RABGAP1L: variants seen among roughly 807,000 people sequenced by gnomAD.
The protein encoded by RABGAP1L is RAB GTPase activating protein 1 like, also known as rab GTPase-activating protein 1-like.
A neutral mutation model predicts 137.7 loss-of-function variants in RABGAP1L; 63 were observed. The observed-to-expected ratio is 0.46, with a 90% CI of 0.37 to 0.56. The LOEUF is 0.56. Among genes scored for constraint, RABGAP1L ranks in the 20% least tolerant of loss-of-function variants. The probability of loss-of-function intolerance (pLI) is 0.00; values close to 1 mark genes in which losing one functional copy is unlikely to be tolerated. For missense variants in RABGAP1L, 1,095 were observed against 1,244.0 expected (o/e 0.88, Z 1.80); for synonymous variants, 431 against 433.7 (o/e 0.99, Z 0.08).
intron 13 of RABGAP1L, among the ~76,000 whole-genome samples, chr1:174,619,511 A>G (rs550392729): frequency 3.9e-5 from 6 of 152,342 alleles, no homozygotes; most frequent in African/African-American, 1.4e-4. Context: ...AAGAATTTTC[A>G]GCCCAGAATT....
intron 13 of RABGAP1L, among the ~76,000 whole-genome samples, chr1:174,571,109 C>G (rs1030770114): frequency 3.3e-5 from 5 of 152,102 alleles, no homozygotes; most frequent in African/African-American, 1.2e-4. Context: ...GAGATCCAGT[C>G]ATTTGCAACA....
In RABGAP1L at chr1:174,887,992, A is replaced by T. The variant is rs576051413; in HGVS notation, c.2341-69465A>T. ...GCAGAGGTTGCAGTGAGCTGAGATC[A>T]CGCCACTGCACTCCAGCCTGGGGGA... On this transcript the variant is annotated intron_variant, in intron 19 of 25. Transcript: ENST00000681986. 2.0e-5 allele frequency among the ~76,000 whole-genome samples: 3 copies of T among 152,200 alleles called. No homozygotes were observed. In the East Asian group the frequency reaches 5.8e-4, roughly 29 times the overall value.
chr1:174,521,720 T>C (rs1415639971), intron 13 of RABGAP1L, among the ~76,000 whole-genome samples: 1 of 152,104 alleles, frequency 6.6e-6, no homozygotes, highest in African/African-American at 2.4e-5. Context: ...CTGACAAAAA[T>C]CTGATGTATA....
intron 19 of RABGAP1L, among the ~76,000 whole-genome samples, chr1:174,914,879 T>C (rs918790039): frequency 6.6e-6 from 1 of 152,214 alleles, no homozygotes; most frequent in Non-Finnish European, 1.5e-5. Flanking sequence ...ATAAATGGAA[T>C]GTATGTATAA....
intron 3 of RABGAP1L, among the ~76,000 whole-genome samples, chr1:174,230,268 G>T: frequency 1.6e-5 from 2 of 124,284 alleles, no homozygotes; most frequent in African/African-American, 3.0e-5. Flanking sequence ...GAGGGGGGAG[G>T]GATAGCATTA....
intron 13 of RABGAP1L, among the ~76,000 whole-genome samples, chr1:174,601,690 T>C (rs970079739): frequency 6.6e-6 from 1 of 152,214 alleles, no homozygotes; most frequent in Non-Finnish European, 1.5e-5. Flanking sequence ...TTTTCTTTTC[T>C]ACTGCATTAG....
At chr1:174,342,901 G>T (rs1028489956) in intron 11 of RABGAP1L, among the ~76,000 whole-genome samples, 3 of 152,064 alleles carry the variant, frequency 2.0e-5, no homozygotes, top group African/African-American at 7.2e-5. Flanking sequence ...ACCATGCCCA[G>T]CTAATTTTTG....
intron 5 of RABGAP1L, chr1:174,244,175 T>C (rs1365087617): frequency 2.0e-5 from 3 of 152,232 alleles, no homozygotes; most frequent in Non-Finnish European, 4.4e-5. Context: ...AGTATTTGAG[T>C]GCCTCTTGAT....
At chr1:174,259,572 A>G (rs1308601654) in intron 7 of RABGAP1L, among the ~76,000 whole-genome samples, 1 of 152,228 alleles carries the variant, frequency 6.6e-6, no homozygotes. Flanking sequence ...AATTTGTTGT[A>G]ATATGGAATT....
intron 13 of RABGAP1L, among the ~76,000 whole-genome samples, chr1:174,635,640 A>G (rs890217845): frequency 1.6e-5 from 2 of 126,750 alleles, no homozygotes; most frequent in African/African-American, 8.7e-5. Flanking sequence ...TGATTTTTTA[A>G]GGCTCTATTT....
intron 13 of RABGAP1L, among the ~76,000 whole-genome samples, chr1:174,621,851 A>G (rs895750066): frequency 9.8e-5 from 15 of 152,348 alleles, no homozygotes; most frequent in Non-Finnish European, 1.6e-4. Flanking sequence ...GAATTGACAA[A>G]TGGGATCTAA....
chr1:174,179,764 T>C (rs1223325994), intron 1 of RABGAP1L, among the ~76,000 whole-genome samples: 2 of 152,162 alleles, frequency 1.3e-5, no homozygotes, highest in Non-Finnish European at 2.9e-5. Context: ...CCTTATGAAC[T>C]CTCTGAAAGG....
intron 1 of RABGAP1L, among the ~76,000 whole-genome samples, chr1:174,179,709 A>G (rs1198446073): frequency 6.6e-6 from 1 of 152,208 alleles, no homozygotes; most frequent in African/African-American, 2.4e-5. Context: ...TAGCACAGTG[A>G]AAAAAGCAAA....
intron 13 of RABGAP1L, among the ~76,000 whole-genome samples, chr1:174,546,067 G>A (rs2147959792): frequency 6.6e-6 from 1 of 152,170 alleles, no homozygotes; most frequent in South Asian, 2.1e-4. Flanking sequence ...AGAAAATAAG[G>A]CTTTTTTAGA....
At chr1:174,744,583 G>A (rs959830016) in intron 17 of RABGAP1L, among the ~76,000 whole-genome samples, 21 of 152,108 alleles carry the variant, frequency 1.4e-4, no homozygotes, top group African/African-American at 2.9e-4. Context: ...CACTGAGAAG[G>A]GCACAGCATC....
chr1:174,445,649 TTAG>T (rs909096679), intron 13 of RABGAP1L, among the ~76,000 whole-genome samples: 39 of 152,286 alleles, frequency 2.6e-4, no homozygotes, highest in South Asian at 1.2e-3. Flanking sequence ...TAGAGAGAAG[TTAG>T]TAGTCATATC....
chr1:174,532,488 T>C (rs1284335767), intron 13 of RABGAP1L, among the ~76,000 whole-genome samples: 1 of 152,190 alleles, frequency 6.6e-6, no homozygotes, highest in Non-Finnish European at 1.5e-5. Context: ...ATTACAGGCA[T>C]GAGCCACTGC....
chr1:174,345,078 C>T (rs1468449589), intron 11 of RABGAP1L, among the ~76,000 whole-genome samples: 1 of 152,058 alleles, frequency 6.6e-6, no homozygotes, highest in African/African-American at 2.4e-5. Flanking sequence ...GCACCTTTGT[C>T]AAAAAAGAGT....
chr1:174,958,098 G>A lies in RABGAP1L; in HGVS notation c.2433+549G>A, dbSNP rs1482813912. The A allele has an allele frequency of 2.0e-6, 3 of 1,514,288 alleles. No homozygotes were observed. In the Admixed American group the frequency reaches 6.0e-5, roughly 30 times the overall value. The allele number at this position is 1,514,288 out of a possible 1,614,324, so 93.8% of individuals were successfully genotyped here. A position where few individuals can be genotyped will look rare whatever the true frequency, so the allele number is the denominator to read the frequency against. ...ACTGTTCCAAGACTGACACAAGGATGTTTCAAACTTGCCTCTGTCTGTAGA... is the reference window on the plus strand; with the variant it reads ...ACTGTTCCAAGACTGACACAAGGATATTTCAAACTTGCCTCTGTCTGTAGA... On this transcript the variant is annotated intron_variant, in intron 20 of 25. Transcript: ENST00000681986.
Sources: gnomAD v4.1 joint callset for allele counts (sites outside exome capture counted in the v4.1 genomes callset) on GRCh38, gnomAD v4.1.1 for gene constraint, MANE v1.5 for transcripts, NCBI Gene and HGNC (gene_info 2026-07-23, HGNC 2026-07-21) for gene names.